The following USP34 variants were observed in gnomAD, a reference collection of about 807,000 sequenced individuals.
USP34 encodes ubiquitin specific peptidase 34.
USP34 carries 70 observed loss-of-function variants against 460.3 expected under a neutral mutation model. The observed-to-expected ratio is 0.15, with a 90% CI of 0.13 to 0.19. USP34 has a LOEUF of 0.19. Ranked by LOEUF, USP34 falls within the 10% of genes least tolerant of loss-of-function variation. USP34 has a pLI of 1.00. For synonymous variants in USP34, 1,647 were observed against 1,405.3 expected (o/e 1.17, Z -3.85); for missense variants, 3,985 against 4,236.2 (o/e 0.94, Z 1.65).
At chr2:61,284,592 A>T (rs1000166572) in intron 35 of USP34, among the ~76,000 whole-genome samples, 1 of 152,214 alleles carries the variant, frequency 6.6e-6, no homozygotes, top group Admixed American at 6.5e-5. Context: ...CCTTGGTCTT[A>T]GGAGATACAC....
chr2:61,245,112 A>C, intron 51 of USP34, 98 bp downstream of exon 51: 1 of 762,586 alleles, frequency 1.3e-6, no homozygotes, highest in Admixed American at 2.5e-5. Context: ...TAATCATAGC[A>C]ATTAAAAGAA....
At chr2:61,246,576 A>C (rs1188458062) in intron 49 of USP34, 99 bp from the exon 50 acceptor site, 7 of 794,554 alleles carry the variant, frequency 8.8e-6, no homozygotes, top group Non-Finnish European at 1.2e-5. Context: ...CAATATTTTA[A>C]GTCATTTTAA....
rs1686600494 is a variant in USP34 at position 61,190,377 on chromosome 2, T to C, written c.9767A>G (p.Asn3256Ser). 6.2e-7 allele frequency: 1 copy of C among 1,611,372 alleles called. No homozygotes were observed. Among genetic ancestry groups the C allele is most frequent in the Non-Finnish European group, 8.5e-7 (1 of 1,179,264 alleles). Residue 3256 changes from asparagine (N) to serine (S), a missense_variant, in exon 78 of 80, where the codon AAT becomes AGT. This residue lies in a region of USP34 where 506 missense variants were observed against 439.0 expected (regional missense o/e 1.15). Coordinates refer to ENST00000398571, the MANE Select transcript of USP34 (RefSeq NM_014709.4). ...GTTTGTAATAAGAGTGCTGATCAAATTGGCACAGTTTGCTTCAGAAAACAC... is the reference window on the plus strand; with the variant it reads ...GTTTGTAATAAGAGTGCTGATCAAACTGGCACAGTTTGCTTCAGAAAACAC... ...SQVFSEANCA[N>S]LISTLITNLI...
intron 10 of USP34, among the ~76,000 whole-genome samples, chr2:61,357,003 T>C (rs1692128404): frequency 6.6e-6 from 1 of 152,182 alleles, no homozygotes; most frequent in Non-Finnish European, 1.5e-5. Context: ...AGTTCCACAA[T>C]AATAGTTGGA....
At chr2:61,242,437 G>A (rs1489586329) in intron 51 of USP34, among the ~76,000 whole-genome samples, 2 of 143,552 alleles carry the variant, frequency 1.4e-5, no homozygotes, top group African/African-American at 5.2e-5. Context: ...AAAAAGGTAA[G>A]AGTCAACCAA....
intron 8 of USP34, among the ~76,000 whole-genome samples, chr2:61,371,013 A>T (rs1352551471): frequency 6.6e-6 from 1 of 152,198 alleles, no homozygotes; most frequent in Non-Finnish European, 1.5e-5. Context: ...CCCCAAGCCA[A>T]ACTGTAAGTC....
At chr2:61,388,206 G>A (rs1693226783) in intron 5 of USP34, among the ~76,000 whole-genome samples, 1 of 152,030 alleles carries the variant, frequency 6.6e-6, no homozygotes, top group Non-Finnish European at 1.5e-5. Flanking sequence ...TCACCCCAAT[G>A]CGCTCTGGCC....
chr2:61,303,592 T>C (rs1031835763), intron 27 of USP34, among the ~76,000 whole-genome samples: 2 of 152,114 alleles, frequency 1.3e-5, no homozygotes, highest in African/African-American at 2.4e-5. Flanking sequence ...ACAGAAATTC[T>C]GTATTAAACT....
chr2:61,338,452 C>CA (rs779181110), intron 18 of USP34, among the ~76,000 whole-genome samples: 2 of 151,444 alleles, frequency 1.3e-5, no homozygotes, highest in East Asian at 3.9e-4. Context: ...TTTAAAGAAC[C>CA]AAAAAAAGAA....
intron 23 of USP34, among the ~76,000 whole-genome samples, chr2:61,315,351 A>G (rs1690710862): frequency 6.6e-6 from 1 of 151,998 alleles, no homozygotes; most frequent in South Asian, 2.1e-4. Flanking sequence ...TTAACAACAT[A>G]TGCTAACTCA....
intron 1 of USP34, among the ~76,000 whole-genome samples, chr2:61,430,340 G>A (rs1370738086): frequency 5.9e-5 from 9 of 152,082 alleles, no homozygotes; most frequent in Admixed American, 5.9e-4. Flanking sequence ...GGAGGCAGAG[G>A]TTGCAATGAG....
At chr2:61,397,074 T>C (rs560489074) in intron 3 of USP34, among the ~76,000 whole-genome samples, 1 of 152,292 alleles carries the variant, frequency 6.6e-6, no homozygotes, top group South Asian at 2.1e-4. Flanking sequence ...TCAACTTTTT[T>C]TGAGAAGAGA....
intron 10 of USP34, among the ~76,000 whole-genome samples, chr2:61,364,901 G>A (rs1471159282): frequency 6.6e-6 from 1 of 151,954 alleles, no homozygotes. Context: ...CTGTACTCCA[G>A]CCTGGGCAAC....
At chr2:61,310,105 A>G (rs148570369) in intron 27 of USP34, among the ~76,000 whole-genome samples, 19 of 152,354 alleles carry the variant, frequency 1.2e-4, no homozygotes, top group Middle Eastern at 6.8e-3. Flanking sequence ...TGGGTAGGAC[A>G]CAATACTAGC....
chr2:61,469,970 G>A (rs560659577), intron 1 of USP34, among the ~76,000 whole-genome samples: 1 of 152,272 alleles, frequency 6.6e-6, no homozygotes, highest in East Asian at 1.9e-4. Flanking sequence ...AACTATCCCG[G>A]GATGGTATGT....
At chr2:61,331,883 C>A (rs905943025) in intron 19 of USP34, among the ~76,000 whole-genome samples, 6 of 152,002 alleles carry the variant, frequency 3.9e-5, no homozygotes, top group African/African-American at 1.4e-4. Flanking sequence ...ATTCAGAGAT[C>A]CCAGGGTCCA....
chr2:61,229,925 G>A (rs559815571), intron 58 of USP34, among the ~76,000 whole-genome samples: 3 of 152,098 alleles, frequency 2.0e-5, no homozygotes, highest in Non-Finnish European at 4.4e-5. Flanking sequence ...TGGAGATACA[G>A]AGAAAAGAAA....
At chr2:61,380,614 T>A (rs1692940993) in intron 6 of USP34, among the ~76,000 whole-genome samples, 1 of 152,166 alleles carries the variant, frequency 6.6e-6, no homozygotes, top group Admixed American at 6.5e-5. Context: ...CATCATTATA[T>A]GTACAAGAAT....
intron 6 of USP34, 28 bp downstream of exon 6, chr2:61,383,241 C>CG (rs1558561921): frequency 7.3e-6 from 11 of 1,507,370 alleles, no homozygotes; most frequent in Non-Finnish European, 9.1e-6. Flanking sequence ...CACTGATAAT[C>CG]GGGGGTAAAG....
Sources: allele counts gnomAD v4.1 joint callset (sites outside exome capture counted in the v4.1 genomes callset), GRCh38; gene constraint gnomAD v4.1.1; regional missense constraint gnomAD v4.1.1; transcripts MANE v1.5; gene names NCBI Gene and HGNC (gene_info 2026-07-23, HGNC 2026-07-21).